SNX8: variants seen among roughly 807,000 people sequenced by gnomAD.
SNX8 encodes sorting nexin-8.
A neutral mutation model predicts 51.6 loss-of-function variants in SNX8; 25 were observed. That is an observed-to-expected ratio of 0.48 (90% CI 0.35 to 0.68). The LOEUF (loss-of-function observed/expected upper bound fraction) is 0.68. Ranked by LOEUF, SNX8 falls within the 30% of genes least tolerant of loss-of-function variation. The pLI is 0.00. For missense variants in SNX8, 695 were observed against 624.0 expected (o/e 1.11, Z -1.21); for synonymous variants, 324 against 277.0 (o/e 1.17, Z -1.68).
intron 4 of SNX8, 85 bp from the exon 5 acceptor site, chr7:2,269,724 G>T: frequency 1.2e-6 from 1 of 806,874 alleles, no homozygotes; most frequent in Non-Finnish European, 2.0e-6. Flanking sequence ...TGGAGCGGGA[G>T]GTCGTCTTTC....
At chr7:2,288,579 C>T (rs187553596) in intron 1 of SNX8, among the ~76,000 whole-genome samples, 5 of 152,158 alleles carry the variant, frequency 3.3e-5, no homozygotes, top group East Asian at 1.9e-4. Flanking sequence ...TTCTCGACTG[C>T]GCAGCCCAGT....
intron 1 of SNX8, among the ~76,000 whole-genome samples, chr7:2,283,075 C>G (rs550969048): frequency 4.0e-5 from 6 of 151,784 alleles, no homozygotes; most frequent in East Asian, 3.9e-4. Flanking sequence ...GAGCAGAGAT[C>G]GCGCCACTGC....
chr7:2,281,770 T>C (rs1226058900), intron 1 of SNX8, among the ~76,000 whole-genome samples: 1 of 152,174 alleles, frequency 6.6e-6, no homozygotes, highest in African/African-American at 2.4e-5. Flanking sequence ...CCAGCCTCCA[T>C]CATTTCCTAG....
chr7:2,293,674 A>C (rs894680452), intron 1 of SNX8, among the ~76,000 whole-genome samples: 1 of 151,424 alleles, frequency 6.6e-6, no homozygotes, highest in Non-Finnish European at 1.5e-5. Context: ...AAATTAAAAA[A>C]AGAGGCCAGG....
chr7:2,263,219 G>A lies in SNX8; in HGVS notation c.915+11C>T, dbSNP rs182404742. On this transcript the variant is annotated intron_variant, in intron 7 of 10. Transcript: ENST00000222990. ...TCTGGAACAGGCGCCTGGGAGAACCGATCCACTCACCTGTTGTGCAGCCTT... is the reference window on the plus strand; with the variant it reads ...TCTGGAACAGGCGCCTGGGAGAACCAATCCACTCACCTGTTGTGCAGCCTT... The A allele has an allele frequency of 1.6e-4, 260 of 1,613,480 alleles. No individual in the cohort carries two copies. The highest frequency in any genetic ancestry group is 1.5e-3 in the East Asian group (68 of 44,860).
chr7:2,256,509 G>A (rs918015334), intron 10 of SNX8, among the ~76,000 whole-genome samples: 4 of 152,350 alleles, frequency 2.6e-5, no homozygotes, highest in South Asian at 4.1e-4. Context: ...GCCGGCCAGG[G>A]CTCTCTGGAA....
chr7:2,314,430 G>A lies in SNX8; in HGVS notation c.-9C>T. ...ATCGCGCGGCCAGTCATGTGAGCCC[G>A]CGCTCCCACGTGACTTCCTCCCGCG... is the stretch of plus-strand genomic sequence containing the variant. On this transcript the variant is annotated 5_prime_UTR_variant, in exon 1 of 11. Coordinates refer to ENST00000222990, the MANE Select transcript of SNX8 (RefSeq NM_013321.4). 1.6e-6 allele frequency: 2 copies of A among 1,212,680 alleles called. No individual in the cohort carries two copies. The highest frequency in any genetic ancestry group is 2.1e-6 in the Non-Finnish European group (2 of 975,474). The allele number at this position is 1,212,680 out of a possible 1,614,324, so 75.1% of individuals were successfully genotyped here.
At chr7:2,344,674 T>C (rs1454562660) in intron 1 of SNX8, among the ~76,000 whole-genome samples, 1 of 151,582 alleles carries the variant, frequency 6.6e-6, no homozygotes, top group Non-Finnish European at 1.5e-5. Context: ...ATCCCAGCAC[T>C]TTGGGACACT....
chr7:2,260,011 A>T (rs1336351733), intron 7 of SNX8, among the ~76,000 whole-genome samples: 1 of 152,066 alleles, frequency 6.6e-6, no homozygotes, highest in Non-Finnish European at 1.5e-5. Flanking sequence ...AAAAAGAAAG[A>T]GAGAGAGAAA....
At chr7:2,277,478 T>G (rs1331092366) in intron 2 of SNX8, among the ~76,000 whole-genome samples, 2 of 151,970 alleles carry the variant, frequency 1.3e-5, no homozygotes, top group East Asian at 3.9e-4. Flanking sequence ...CTTTGTGCTC[T>G]GTGGACCGTC....
chr7:2,322,703 A>G (rs1283109577), intron 1 of SNX8, among the ~76,000 whole-genome samples: 1 of 150,732 alleles, frequency 6.6e-6, no homozygotes, highest in Non-Finnish European at 1.5e-5. Flanking sequence ...CAAAAGTAAA[A>G]TAAAATAGAA....
Position 2,263,365 on chromosome 7 carries a change from G to T in SNX8, c.783-3C>A. The T allele has an allele frequency of 6.3e-7, 1 of 1,591,212 alleles. No homozygotes were observed. The highest frequency in any genetic ancestry group is 1.3e-5 in the African/African-American group (1 of 74,608). ...GGGTCGTGTCAGACCCTATTGCACT[G>T]AGGGAGCAAGCACACAGGAGAGGAG... On this transcript the variant is annotated splice_region_variant and splice_polypyrimidine_tract_variant and intron_variant, in intron 6 of 10. Transcript: ENST00000222990.
rs149728304 is a variant in SNX8, at chr7:2,335,577, C to T, written c.-66+18645G>A. ...CAGCACTTCGGGAGGCCGAGGCGGG[C>T]GTATCACGAGGTCAGGAGATCTAGA... On this transcript the variant is annotated intron_variant, in intron 1 of 5. Transcript: ENST00000435336. Among the ~76,000 whole-genome samples the T allele has an allele frequency of 5.8e-3, 878 of 152,132 alleles. 6 individuals carry two copies. Among genetic ancestry groups the T allele is most frequent in the African/African-American group, 0.016 (672 of 41,532 alleles).
intron 5 of SNX8, among the ~76,000 whole-genome samples, chr7:2,268,710 G>C (rs1270824441): frequency 1.0e-4 from 2 of 19,988 alleles, no homozygotes; most frequent in African/African-American, 1.2e-4. Flanking sequence ...CAGCCGCCCC[G>C]TCCGGGAGGG....
chr7:2,303,706 G>A (rs1189388222), intron 1 of SNX8, among the ~76,000 whole-genome samples: 1 of 152,114 alleles, frequency 6.6e-6, no homozygotes, highest in Non-Finnish European at 1.5e-5. Flanking sequence ...AGGGTTAAAT[G>A]GATTAAGGGC....
intron 1 of SNX8, among the ~76,000 whole-genome samples, chr7:2,329,704 G>C (rs189746578): frequency 1.3e-5 from 2 of 152,318 alleles, no homozygotes; most frequent in Admixed American, 1.3e-4. Flanking sequence ...GGACTGGGTG[G>C]TGGAGCTTCT....
rs536805427 is a variant in SNX8 at position 2,350,807 on chromosome 7, C to T, written c.-66+3415G>A. On this transcript the variant is annotated intron_variant, in intron 1 of 5. Coordinates refer to the SNX8 transcript ENST00000435336. ...GATTACAGGCGCCTGCGGCCACACC[C>T]GGCTAAATTTTGTATTTTTAGTAGA... Among the ~76,000 whole-genome samples the T allele has an allele frequency of 5.3e-5, 8 of 151,970 alleles. No homozygotes were observed. The East Asian group carries it at 5.8e-4, about 11-fold the overall frequency.
chr7:2,264,293 C>T lies in SNX8; in HGVS notation c.782+5G>A, dbSNP rs1054486523. 6.2e-7 allele frequency: 1 copy of T among 1,604,586 alleles called. No individual in the cohort carries two copies. The highest frequency in any genetic ancestry group is 1.3e-5 in the African/African-American group (1 of 74,834). The stretch of plus-strand genomic sequence containing the variant: ...TGCCCCTGCAGAAGCTGAAAGGTCA[C>T]CTACCTTAGCTCCTTCCCGAATATG... On this transcript the variant is annotated splice_donor_5th_base_variant and intron_variant, in intron 6 of 10. Coordinates refer to ENST00000222990, the MANE Select transcript of SNX8 (RefSeq NM_013321.4).
At chr7:2,305,904 G>A (rs1436304045) in intron 1 of SNX8, among the ~76,000 whole-genome samples, 1 of 151,976 alleles carries the variant, frequency 6.6e-6, no homozygotes, top group Non-Finnish European at 1.5e-5. Flanking sequence ...AACGTAGTGA[G>A]TCCCTGTCTC....
Sources: gnomAD v4.1 joint callset for allele counts (sites outside exome capture counted in the v4.1 genomes callset) on GRCh38, gnomAD v4.1.1 for gene constraint, MANE v1.5 for transcripts, NCBI Gene and HGNC (gene_info 2026-07-23, HGNC 2026-07-21) for gene names.